The following FAM83G variants were observed in gnomAD, a reference collection of about 807,000 sequenced individuals.
The protein encoded by FAM83G is protein FAM83G.
In FAM83G, 38 loss-of-function variants were observed where a neutral mutation model predicts 61.5. That is an observed-to-expected ratio of 0.62 (90% confidence interval 0.48 to 0.81). The LOEUF is 0.81. Ranked by LOEUF, FAM83G falls within the 30% of genes least tolerant of loss-of-function variation. The pLI is 0.00. For synonymous variants in FAM83G, 470 were observed against 476.1 expected (o/e 0.99, Z 0.17); for missense variants, 989 against 1,133.6 (o/e 0.87, Z 1.83).
At chr17:18,995,278 A>C (rs554620540) in intron 2 of FAM83G, among the ~76,000 whole-genome samples, 1 of 152,344 alleles carries the variant, frequency 6.6e-6, no homozygotes, top group South Asian at 2.1e-4. Flanking sequence ...TTAGGTAGAG[A>C]TGTGGAAGCT....
chr17:19,005,407 A>T (rs1319457340), upstream of FAM83G, among the ~76,000 whole-genome samples: 1 of 152,114 alleles, frequency 6.6e-6, no homozygotes, highest in Admixed American at 6.5e-5. Context: ...GACCCTGGTT[A>T]TGGGGAGCGT....
At position 18,978,055 on chromosome 17, in the gene FAM83G, A is replaced by T. The variant is rs1406787045; in HGVS notation, c.1611T>A (p.Asn537Lys). ...LELPKEEAPQ[N>K]GTDHRLPRMA... ...TCCTGGGTAGCCTATGGTCTGTCCC[A>T]TTCTGGGGAGCTTCCTCTTTGGGGA... The change falls in exon 5 of 6, where the codon AAT becomes AAA. Residue 537 changes from asparagine (N) to lysine (K), a missense_variant. Asn to Lys is a moderately conservative substitution (Grantham distance 94). Coordinates refer to ENST00000388995, the MANE Select transcript of FAM83G (RefSeq NM_001039999.3). The T allele has an allele frequency of 6.6e-7, 1 of 1,520,306 alleles. No individual in the cohort carries two copies. The highest frequency in any genetic ancestry group is 1.4e-5 in the African/African-American group (1 of 71,716). The allele number at this position is 1,520,306 out of a possible 1,614,324, so 94.2% of individuals were successfully genotyped here.
Position 18,978,130 on chromosome 17 carries a change from C to A in FAM83G, c.1536G>T (p.Val512=). ...TGCTGTCCCGGGCTAGTACATCTGC[C>A]ACAGGGACTGTCCGGGGCTTGGGCA... ...PPVPKPRTVP[V]ADVLARDSSD... is the part of the protein sequence containing the mutation. The change falls in exon 5 of 6, where the codon GTG becomes GTT. Residue 512 remains valine, a synonymous_variant. Coordinates refer to ENST00000388995, the MANE Select transcript of FAM83G (RefSeq NM_001039999.3). The A allele has an allele frequency of 6.6e-7, 1 of 1,520,556 alleles. No homozygotes were observed. The highest frequency in any genetic ancestry group is 1.4e-5 in the African/African-American group (1 of 72,216). The allele number at this position is 1,520,556 out of a possible 1,614,324, so 94.2% of individuals were successfully genotyped here.
At chr17:18,981,460 TG>T (rs1216578649) in intron 3 of FAM83G, among the ~76,000 whole-genome samples, 2 of 152,126 alleles carry the variant, frequency 1.3e-5, no homozygotes, top group African/African-American at 4.8e-5. Flanking sequence ...GCGATGGGGT[TG>T]GGTGTGTATC....
Position 18,978,174 on chromosome 17 carries a change from G to C in FAM83G, c.1492C>G (p.Pro498Ala). The change falls in exon 5 of 6, where the codon CCT becomes GCT. Residue 498 changes from proline (P) to alanine (A), a missense_variant. This residue lies in a region of FAM83G where 574 missense variants were observed against 645.1 expected (regional missense o/e 0.89). Coordinates refer to ENST00000388995, the MANE Select transcript of FAM83G (RefSeq NM_001039999.3). ...TTGGGCACGGGGGGCAATGGCTCAG[G>C]GTCCCCCTGGGGGAGGCCGTTCTCA... ...PAENGLPQGD[P>A]EPLPPVPKPR... 2 of 1,539,028 alleles carry C rather than the reference G, an allele frequency of 1.3e-6. No homozygotes were observed. The highest frequency in any genetic ancestry group is 1.3e-5 in the South Asian group (1 of 79,194).
chr17:18,998,768 G>A (rs1307822195), intron 2 of FAM83G, among the ~76,000 whole-genome samples: 1 of 152,246 alleles, frequency 6.6e-6, no homozygotes, highest in Non-Finnish European at 1.5e-5. Context: ...CTGACCTGTG[G>A]TGGGAGCCTG....
chr17:18,979,585 A>G lies in FAM83G; in HGVS notation c.779T>C (p.Phe260Ser). ...GCACACAGCCCGGTCTCCATCCACA[A>G]ACATGAACTTCTGGGCCAGGGCACC... is the stretch of plus-strand genomic sequence containing the variant. ...FKGALAQKFM[F>S]VDGDRAVCGS... Residue 260 changes from phenylalanine (F) to serine (S), a missense_variant, in exon 4 of 6, where the codon TTT becomes TCT. By Grantham distance (155) the Phe-to-Ser change is radical. This residue lies in a region of FAM83G where 371 missense variants were observed against 404.5 expected (regional missense o/e 0.92). Transcript: ENST00000388995. 2 of 1,613,528 alleles carry G rather than the reference A, an allele frequency of 1.2e-6. No individual in the cohort carries two copies. The highest frequency in any genetic ancestry group is 1.7e-6 in the Non-Finnish European group (2 of 1,179,994).
At chr17:18,988,225 G>C (rs748798892) in intron 3 of FAM83G, 22 bp downstream of exon 3, 143 of 1,601,164 alleles carry the variant, frequency 8.9e-5, no homozygotes, top group Non-Finnish European at 1.2e-5. Context: ...CAGCCACCCA[G>C]GCAAGTGAGG....
Position 18,978,129 on chromosome 17 carries a change from C to T in FAM83G, c.1537G>A (p.Ala513Thr), listed in dbSNP as rs753833526. The T allele has an allele frequency of 6.6e-7, 1 of 1,520,362 alleles. No individual in the cohort carries two copies. The highest frequency in any genetic ancestry group is 2.1e-5 in the Admixed American group (1 of 46,586). 94.2% of individuals were successfully genotyped at this position (1,520,362 alleles called of 1,614,324 possible). ...CTGCTGTCCCGGGCTAGTACATCTG[C>T]CACAGGGACTGTCCGGGGCTTGGGC... ...PVPKPRTVPV[A>T]DVLARDSSDI... Residue 513 changes from alanine to threonine, a missense_variant, in exon 5 of 6, where the codon GCA becomes ACA. Transcript: ENST00000388995.
Position 18,970,870 on chromosome 17 carries a change from T to G in FAM83G, c.*489A>C. The G allele has an allele frequency of 4.2e-6, 3 of 706,210 alleles. No homozygotes were observed. The highest frequency in any genetic ancestry group is 7.2e-6 in the Non-Finnish European group (3 of 414,892). The allele number at this position is 706,210 out of a possible 1,614,324, so 43.7% of individuals were successfully genotyped here. A position where few individuals can be genotyped will look rare whatever the true frequency, so the allele number is the denominator to read the frequency against. On this transcript the variant is annotated 3_prime_UTR_variant, in exon 6 of 6. Coordinates refer to ENST00000388995, the MANE Select transcript of FAM83G (RefSeq NM_001039999.3). ...AAACAACCCTCTACCCTCACACCTT[T>G]CCAAACACTGGGAAAGATGAGGTGG... is the stretch of plus-strand genomic sequence containing the variant.
chr17:18,975,062 A>G (rs1353922771), intron 5 of FAM83G, among the ~76,000 whole-genome samples: 1 of 152,216 alleles, frequency 6.6e-6, no homozygotes, highest in Non-Finnish European at 1.5e-5. Flanking sequence ...TGACATGAGC[A>G]CAGATTGGAA....
Position 18,968,872 on chromosome 17 carries a change from C to A in FAM83G, c.*2487G>T. ...TCCGCACAAGCTTGTAGCTCCACGG[C>A]CAGGTCTTCCCCCAACCTCACAATG... On this transcript the variant is annotated 3_prime_UTR_variant, in exon 6 of 6. Transcript: ENST00000388995. This position sits in a 1 kb window ranked among gnomAD's most constrained non-coding sequence, Gnocchi z 4.1. The A allele has an allele frequency of 1.7e-6, 1 of 598,204 alleles. No individual in the cohort carries two copies. Among genetic ancestry groups the A allele is most frequent in the Non-Finnish European group, 2.9e-6 (1 of 340,176 alleles). 37.1% of individuals were successfully genotyped at this position (598,204 alleles called of 1,614,324 possible). A position where few individuals can be genotyped will look rare whatever the true frequency, so the allele number is the denominator to read the frequency against.
Position 18,979,609 on chromosome 17 carries a change from C to T in FAM83G, c.755G>A (p.Gly252Asp). ...AAACATGAACTTCTGGGCCAGGGCA[C>T]CCTTGAACTTGGTTGCCGACCGCGT... ...FFTRSATKFK[G>D]ALAQKFMFVD... The change falls in exon 4 of 6, where the codon GGT becomes GAT. Residue 252 changes from glycine (G) to aspartate (D), a missense_variant. Physicochemically the swap from Gly to Asp is moderately conservative, Grantham distance 94 (BLOSUM62 -1). Transcript: ENST00000388995. The T allele has an allele frequency of 6.2e-7, 1 of 1,613,586 alleles. No homozygotes were observed. Among genetic ancestry groups the T allele is most frequent in the Non-Finnish European group, 8.5e-7 (1 of 1,180,010 alleles).
chr17:19,003,775 C>T lies in FAM83G; in HGVS notation c.267G>A (p.Gly89=). The T allele has an allele frequency of 1.2e-6, 2 of 1,610,490 alleles. No homozygotes were observed. Among genetic ancestry groups the T allele is most frequent in the Non-Finnish European group, 1.7e-6 (2 of 1,178,898 alleles). Residue 89 remains glycine (G), a synonymous_variant, in exon 2 of 6, where the codon GGG becomes GGA. Transcript: ENST00000388995. This position sits in a 1 kb window ranked among gnomAD's most constrained non-coding sequence, Gnocchi z 4.5. ...EDPRGTGPSQ[G]PEDNGVGDGE... is the part of the protein sequence containing the mutation. ...CGTCGCCGACCCCATTGTCCTCGGG[C>T]CCCTGAGAGGGGCCCGTGCCCCGAG...
upstream of FAM83G, among the ~76,000 whole-genome samples, chr17:19,005,851 C>T (rs1389944682): frequency 6.6e-6 from 1 of 152,234 alleles, no homozygotes; most frequent in African/African-American, 2.4e-5. Flanking sequence ...CCCTGGGGAA[C>T]AGGCACACAT....
chr17:19,001,486 G>A (rs2043728257), intron 2 of FAM83G, among the ~76,000 whole-genome samples: 2 of 152,206 alleles, frequency 1.3e-5, no homozygotes, highest in South Asian at 4.1e-4. Context: ...CCACCTGTCC[G>A]AGGCTGGAGG....
rs2042805011 is a variant in FAM83G at position 18,970,137 on chromosome 17, C to T, written c.*1222G>A. On this transcript the variant is annotated 3_prime_UTR_variant, in exon 6 of 6. Coordinates refer to ENST00000388995, the MANE Select transcript of FAM83G (RefSeq NM_001039999.3). ...CTGAATACAGAGCCTGACCTGAGCTCCATGGGAACAGTGATGCTGGGGAGA... is the reference window on the plus strand; with the variant it reads ...CTGAATACAGAGCCTGACCTGAGCTTCATGGGAACAGTGATGCTGGGGAGA... 1 of 152,276 alleles carries T rather than the reference C, an allele frequency of 6.6e-6. No homozygotes were observed. Among genetic ancestry groups the T allele is most frequent in the African/African-American group, 2.4e-5 (1 of 41,466 alleles). The allele number at this position is 152,276 out of a possible 1,614,324, so 9.4% of individuals were successfully genotyped here.
chr17:18,969,430 C>A lies in FAM83G; in HGVS notation c.*1929G>T, dbSNP rs777901514. On this transcript the variant is annotated 3_prime_UTR_variant, in exon 6 of 6. Coordinates refer to ENST00000388995, the MANE Select transcript of FAM83G (RefSeq NM_001039999.3). ...TCATCCTGACAATCAAAGGTGAGGA[C>A]AGAGTCTGTGGCCATGGCGGGGCTG... The A allele has an allele frequency of 6.2e-7, 1 of 1,612,906 alleles. No homozygotes were observed. The highest frequency in any genetic ancestry group is 8.5e-7 in the Non-Finnish European group (1 of 1,179,320).
rs1597895482 is a variant in FAM83G at position 19,003,628 on chromosome 17, G to A, written c.414C>T (p.Thr138=). 6 of 1,612,244 alleles carry A rather than the reference G, an allele frequency of 3.7e-6. No homozygotes were observed. Among genetic ancestry groups the A allele is most frequent in the Middle Eastern group, 1.7e-4 (1 of 6,060 alleles). The part of the protein sequence containing the change: ...IPQLDLGWPD[T]IAYRGVTRAS... ...CCCGGGTCACGCCGCGGTAGGCGAT[G>A]GTGTCGGGCCAGCCCAGGTCCAGCT... The change falls in exon 2 of 6, where the codon ACC becomes ACT. Residue 138 remains threonine, a synonymous_variant. Coordinates refer to ENST00000388995, the MANE Select transcript of FAM83G (RefSeq NM_001039999.3). The surrounding 1 kb of genome is among the most constrained non-coding windows in gnomAD (Gnocchi z 4.5).
Sources: allele counts gnomAD v4.1 joint callset (sites outside exome capture counted in the v4.1 genomes callset), GRCh38; gene constraint gnomAD v4.1.1; regional missense constraint gnomAD v4.1.1; non-coding constraint Gnocchi (gnomAD v3.1); transcripts MANE v1.5; gene names NCBI Gene and HGNC (gene_info 2026-07-23, HGNC 2026-07-21).